HR: variants seen among roughly 807,000 people sequenced by gnomAD.
The protein encoded by HR is lysine-specific demethylase hairless.
A neutral mutation model predicts 128.6 loss-of-function variants in HR; 83 were observed. The observed-to-expected ratio is 0.65, with a 90% CI of 0.54 to 0.77. The LOEUF is 0.77. Among genes scored for constraint, HR ranks in the 30% least tolerant of loss-of-function variants. The probability of loss-of-function intolerance (pLI) is 0.00; values close to 1 mark genes in which losing one functional copy is unlikely to be tolerated. For synonymous variants in HR, 681 were observed against 658.2 expected, an observed-to-expected ratio of 1.03 and a Z score of -0.53; for missense variants, 1,490 against 1,574.6, an observed-to-expected ratio of 0.95 and a Z score of 0.91.
chr8:22,120,643 G>A, intron 11 of HR, 73 bp downstream of exon 11: 6 of 1,552,530 alleles, frequency 3.9e-6, no homozygotes, highest in Non-Finnish European at 5.2e-6. Context: ...GGGTCTGTCT[G>A]GGCCTAGGGA....
chr8:22,119,231 C>T lies in HR; in HGVS notation c.3030G>A (p.Val1010=), dbSNP rs1304753545. 6.2e-7 allele frequency: 1 copy of T among 1,613,854 alleles called. No homozygotes were observed. The highest frequency in any genetic ancestry group is 1.7e-5 in the Admixed American group (1 of 60,022). The stretch of plus-strand genomic sequence containing the variant: ...GCACCAGGATGCTGACCAGGTCGGC[C>T]ACCTCCACACAGAGGTTCTTGGTCC... The part of the protein sequence containing the change: ...HLGTKNLCVE[V]ADLVSILVHA... Residue 1010 remains valine (V), a synonymous_variant, in exon 15 of 19, where the codon GTG becomes GTA. Transcript: ENST00000381418.
At position 22,120,970 on chromosome 8, in the gene HR, G is replaced by A; in HGVS notation, c.2368-12C>T. 1.9e-6 allele frequency: 3 copies of A among 1,604,952 alleles called. No individual in the cohort carries two copies. Among genetic ancestry groups the A allele is most frequent in the South Asian group, 1.1e-5 (1 of 90,388 alleles). ...GTGATGCGGTCATCCTGCAGAGAGGGGCACAGGGGCTTAGGACCCACTGGG... is the reference window on the plus strand; with the variant it reads ...GTGATGCGGTCATCCTGCAGAGAGGAGCACAGGGGCTTAGGACCCACTGGG... On this transcript the variant is annotated splice_polypyrimidine_tract_variant and intron_variant, in intron 10 of 18. Transcript: ENST00000381418.
chr8:22,127,059 C>T lies in HR; in HGVS notation c.1383G>A (p.Ser461=), dbSNP rs149637669. The T allele has an allele frequency of 8.1e-6, 13 of 1,612,272 alleles. No homozygotes were observed. Among genetic ancestry groups the T allele is most frequent in the East Asian group, 4.5e-5 (2 of 44,884 alleles). Residue 461 remains serine, a synonymous_variant, in exon 3 of 19, where the codon TCG becomes TCA. Transcript: ENST00000381418. ...TACCTTTCTGCTCATCATGCTGTCCCGAGTCCACATCCTTGTTCCCTATCG... is the reference window on the plus strand; with the variant it reads ...TACCTTTCTGCTCATCATGCTGTCCTGAGTCCACATCCTTGTTCCCTATCG... ...DTSIGNKDVD[S]GQHDEQKGPQ...
intron 3 of HR, 45 bp downstream of exon 3, chr8:22,126,992 T>C (rs929907590): frequency 7.6e-7 from 1 of 1,320,088 alleles, no homozygotes; most frequent in Non-Finnish European, 1.1e-6. Context: ...CAGCCCCGGC[T>C]GCCCCCTCCC....
In HR at chr8:22,129,105, G is replaced by A; in HGVS notation, c.66C>T (p.Gly22=). Residue 22 remains glycine, a synonymous_variant, in exon 2 of 19, where the codon GGC becomes GGT. Coordinates refer to ENST00000381418, the MANE Select transcript of HR (RefSeq NM_005144.5). The part of the protein sequence containing the change: ...PTWEKTAPEN[G]IVRQEPGSPP... ...GGCTGCCGGGCTCCTGTCTCACGAT[G>A]CCGTTCTCTGGGGCCGTCTTCTCCC... The A allele has an allele frequency of 6.4e-7, 1 of 1,570,626 alleles. No homozygotes were observed. The highest frequency in any genetic ancestry group is 8.6e-7 in the Non-Finnish European group (1 of 1,160,776).
In HR at chr8:22,128,622, C is replaced by T. The variant is rs555255466; in HGVS notation, c.549G>A (p.Pro183=). Residue 183 remains proline (P), a synonymous_variant, in exon 2 of 19, where the codon CCG becomes CCA. Coordinates refer to ENST00000381418, the MANE Select transcript of HR (RefSeq NM_005144.5). ...GGCCCCCGGAGTATACCCAGGGGTG[C>T]GGGGTCAGGGGCCAGTCACATGGAT... ...PEHPCDWPLT[P]HPWVYSGGQP... 23 of 1,603,276 alleles carry T rather than the reference C, an allele frequency of 1.4e-5. No homozygotes were observed. Among genetic ancestry groups the T allele is most frequent in the Admixed American group, 6.9e-5 (4 of 57,986 alleles).
At chr8:22,122,201 G>A (rs558130338) in intron 8 of HR, among the ~76,000 whole-genome samples, 1 of 152,194 alleles carries the variant, frequency 6.6e-6, no homozygotes, top group South Asian at 2.1e-4. Context: ...CTGGGGACCT[G>A]GCCATACCAA....
intron 9 of HR, 126 bp downstream of exon 9, chr8:22,121,487 G>A (rs1232266168): frequency 9.6e-7 from 1 of 1,045,986 alleles, no homozygotes; most frequent in Non-Finnish European, 1.5e-6. Flanking sequence ...GGGGAGTAGT[G>A]GAGATTATTG....
In HR at chr8:22,115,535, C is replaced by A. The variant is rs1826563807; in HGVS notation, c.*165G>T. 1.5e-6 allele frequency: 1 copy of A among 683,430 alleles called. No individual in the cohort carries two copies. 42.3% of individuals were successfully genotyped at this position (683,430 alleles called of 1,614,324 possible). ...AGCTTGGTGGCACTGTGGTTGTTGG[C>A]TTAAGGGGGAGGGGAACAGAGTGCC... On this transcript the variant is annotated 3_prime_UTR_variant, in exon 19 of 19. Transcript: ENST00000381418.
chr8:22,124,276 C>G (rs185745089), intron 5 of HR, among the ~76,000 whole-genome samples: 29 of 152,336 alleles, frequency 1.9e-4, no homozygotes, highest in African/African-American at 6.0e-4. Context: ...GTCATCTAGG[C>G]TGGAGTACAG....
In HR at chr8:22,115,796, C is replaced by T. The variant is rs190508004; in HGVS notation, c.3508-34G>A. The T allele has an allele frequency of 3.0e-4, 474 of 1,606,746 alleles. 3 individuals carry two copies. In the African/African-American group the frequency reaches 5.5e-3, roughly 19 times the overall value. On this transcript the variant is annotated intron_variant, in intron 18 of 18. Coordinates refer to ENST00000381418, the MANE Select transcript of HR (RefSeq NM_005144.5). The stretch of plus-strand genomic sequence containing the variant: ...AAGAGAGAGGACAAAGCATTTTCAA[C>T]TACATTCCTGGGCCCACCCGCTGTC...
chr8:22,122,764 C>A (rs76286275), intron 7 of HR, 26 bp downstream of exon 7: 7 of 1,545,482 alleles, frequency 4.5e-6, no homozygotes, highest in Non-Finnish European at 6.1e-6. Context: ...AACCTCTGCA[C>A]GCCCCACCCC....
chr8:22,120,271 G>A lies in HR; in HGVS notation c.2776+71C>T, dbSNP rs946839222. 3 of 1,611,442 alleles carry A rather than the reference G, an allele frequency of 1.9e-6. No homozygotes were observed. In the Admixed American group the frequency reaches 5.0e-5, roughly 27 times the overall value. The stretch of plus-strand genomic sequence containing the variant: ...CTTCCAGCCCCTCGGGGTCACCCTG[G>A]GACTCCTCTGCCACCCGATCCCTAG... On this transcript the variant is annotated intron_variant, in intron 12 of 18. Transcript: ENST00000381418.
At chr8:22,120,019 T>C in intron 13 of HR, 85 bp downstream of exon 13, 3 of 1,568,046 alleles carry the variant, frequency 1.9e-6, no homozygotes, top group Non-Finnish European at 2.6e-6. Context: ...GGGTGGGGGT[T>C]GGGGGCAGAG....
chr8:22,123,640 C>CCCCCCCCCCCCCCCCT lies in HR; in HGVS notation c.1915+8_1915+9insAGGGGGGGGGGGGGGG. On this transcript the variant is annotated intron_variant, in intron 6 of 18. Coordinates refer to ENST00000381418, the MANE Select transcript of HR (RefSeq NM_005144.5). Reference sequence around the variant, plus strand: ...CATCCCGCCCTCCCACCCCCAGCCCCTCTCCTACCTGCTTTCTCCCTGGCC... The same window carrying CCCCCCCCCCCCCCCCT: ...CATCCCGCCCTCCCACCCCCAGCCCCCCCCCCCCCCCCCCCTTCTCCTACCTGCTTTCTCCCTGGCC... 6.6e-7 allele frequency: 1 copy of CCCCCCCCCCCCCCCCT among 1,523,188 alleles called. No individual in the cohort carries two copies. 94.4% of individuals were successfully genotyped at this position (1,523,188 alleles called of 1,614,324 possible).
In HR at chr8:22,120,131, C is replaced by T. The variant is rs575503255; in HGVS notation, c.2819G>A (p.Arg940Gln). 20 of 1,592,684 alleles carry T rather than the reference C, an allele frequency of 1.3e-5. No homozygotes were observed. The highest frequency in any genetic ancestry group is 5.4e-5 in the Admixed American group (3 of 55,460). Residue 940 changes from arginine (R) to glutamine (Q), a missense_variant, in exon 13 of 19, where the codon CGA becomes CAA. Around this residue, in one of 3 missense-constraint regions of HR, gnomAD observed 423 missense variants for 495.9 expected, o/e 0.85. Coordinates refer to ENST00000381418, the MANE Select transcript of HR (RefSeq NM_005144.5). ...SDEGSVLLLH[R>Q]ALGDEDTSRV... ...GCTGGTGTCCTCATCCCCCAAAGCT[C>T]GGTGCAGCAGGAGGACAGAGCCCTC...
intron 6 of HR, 33 bp downstream of exon 6, chr8:22,123,616 A>AGGGGGGGGGGGCCCC: frequency 3.6e-6 from 2 of 562,348 alleles, no homozygotes; most frequent in Non-Finnish European, 6.0e-6. Flanking sequence ...TGAGGGCTCC[A>AGGGGGGGGGGGCCCC]TCCCGCCCTC....
rs767952839 is a variant in HR at position 22,116,401 on chromosome 8, C to T, written c.3406G>A (p.Val1136Ile). The change falls in exon 18 of 19, where the codon GTC becomes ATC. Residue 1136 changes from valine to isoleucine, a missense_variant. By Grantham distance (29) the Val-to-Ile change is conservative. Transcript: ENST00000381418. This position sits in a 1 kb window ranked among gnomAD's most constrained non-coding sequence, Gnocchi z 4.2. ...TCAGGGGAGAGGAAGTGCTGAGTGA[C>T]GCTGACTGTGCTCACCAGGCCCTGC... ...QVQGLVSTVS[V>I]TQHFLSPETS... 23 of 1,613,630 alleles carry T rather than the reference C, an allele frequency of 1.4e-5. No individual in the cohort carries two copies. The highest frequency in any genetic ancestry group is 9.3e-5 in the African/African-American group (7 of 74,900).
intron 3 of HR, 59 bp downstream of exon 3, chr8:22,126,978 G>GCCCCCC: frequency 6.7e-7 from 1 of 1,490,238 alleles, no homozygotes; most frequent in Non-Finnish European, 9.2e-7. Flanking sequence ...CCCATGCGAA[G>GCCCCCC]CCCCAGCCCC....
Sources: gnomAD v4.1 joint callset for allele counts (sites outside exome capture counted in the v4.1 genomes callset) on GRCh38, gnomAD v4.1.1 for gene constraint, gnomAD v4.1.1 regional missense constraint, Gnocchi (gnomAD v3.1) non-coding constraint, MANE v1.5 for transcripts, NCBI Gene and HGNC (gene_info 2026-07-23, HGNC 2026-07-21) for gene names.